SCN11A: variants seen among roughly 807,000 people sequenced by gnomAD.
The protein encoded by SCN11A is sodium voltage-gated channel alpha subunit 11.
Under a neutral mutation model 162.2 loss-of-function variants are expected in SCN11A, and 122 were observed. The ratio of observed to expected loss-of-function variants is 0.75; its 90% CI spans 0.65 to 0.87. The LOEUF (loss-of-function observed/expected upper bound fraction) is 0.87, where lower values mean the gene tolerates loss of function less well. Ranked by LOEUF, SCN11A falls within the 40% of genes least tolerant of loss-of-function variation. The pLI, the probability that SCN11A is intolerant of heterozygous loss-of-function variation, is 0.00. For missense variants in SCN11A, 2,015 were observed against 2,181.6 expected, an observed-to-expected ratio of 0.92 and a Z score of 1.52; for synonymous variants, 758 against 751.5, an observed-to-expected ratio of 1.01 and a Z score of -0.14.
At chr3:38,958,898 C>T (rs551570866) in intron 3 of SCN11A, among the ~76,000 whole-genome samples, 22 of 152,284 alleles carry the variant, frequency 1.4e-4, no homozygotes, top group Non-Finnish European at 2.9e-4. Flanking sequence ...AAGAAATGTT[C>T]ATCTAGAATG....
At chr3:38,908,441 G>A (rs970198355) in intron 13 of SCN11A, among the ~76,000 whole-genome samples, 3 of 152,134 alleles carry the variant, frequency 2.0e-5, no homozygotes, top group African/African-American at 4.8e-5. Context: ...AAGCACTTAC[G>A]ATGGGCATCC....
At chr3:39,006,602 A>G (rs887857588) in intron 2 of SCN11A, among the ~76,000 whole-genome samples, 3 of 152,078 alleles carry the variant, frequency 2.0e-5, no homozygotes, top group Admixed American at 6.6e-5. Context: ...AGAAGAAAAC[A>G]TATTATCGAA....
At chr3:38,869,023 C>T (rs62244137) in intron 26 of SCN11A, among the ~76,000 whole-genome samples, 3 of 152,076 alleles carry the variant, frequency 2.0e-5, no homozygotes, top group African/African-American at 7.2e-5. Context: ...GAGGAGATGA[C>T]GGGGAAAACG....
intron 2 of SCN11A, among the ~76,000 whole-genome samples, chr3:38,983,497 G>C (rs753434501): frequency 1.3e-5 from 2 of 152,126 alleles, no homozygotes; most frequent in Non-Finnish European, 2.9e-5. Context: ...GAAAGTAATA[G>C]AGAAATGAAC....
chr3:39,005,235 G>A (rs1192310167), intron 2 of SCN11A, among the ~76,000 whole-genome samples: 6 of 152,190 alleles, frequency 3.9e-5, no homozygotes, highest in Non-Finnish European at 5.9e-5. Context: ...CAGGCCTGGC[G>A]CCGGGCTGCC....
chr3:38,929,385 G>T (rs2066203524), intron 7 of SCN11A, among the ~76,000 whole-genome samples: 1 of 152,124 alleles, frequency 6.6e-6, no homozygotes, highest in Non-Finnish European at 1.5e-5. Context: ...TATGAGGCAG[G>T]GGCTGAGGGG....
At chr3:38,879,806 C>G (rs1291300956) in intron 23 of SCN11A, 144 bp downstream of exon 23, 1 of 637,136 alleles carries the variant, frequency 1.6e-6, no homozygotes, top group Non-Finnish European at 2.7e-6. Flanking sequence ...CAACTACTTA[C>G]AAGTACTGTG....
At chr3:39,050,881 A>C (rs1431092934) in intron 1 of SCN11A, among the ~76,000 whole-genome samples, 2 of 152,192 alleles carry the variant, frequency 1.3e-5, no homozygotes, top group Non-Finnish European at 1.5e-5. Context: ...TCAAGTGCTC[A>C]AGAGCCACAA....
chr3:38,882,729 C>T (rs1055982234), intron 22 of SCN11A, among the ~76,000 whole-genome samples: 2 of 152,092 alleles, frequency 1.3e-5, no homozygotes, highest in Non-Finnish European at 2.9e-5. Context: ...TTTGACCATG[C>T]ATATAAAGCA....
intron 11 of SCN11A, among the ~76,000 whole-genome samples, chr3:38,912,226 A>C (rs1303993460): frequency 6.6e-6 from 1 of 152,070 alleles, no homozygotes; most frequent in African/African-American, 2.4e-5. Flanking sequence ...TCAAAATATA[A>C]GCCTGTTTTG....
intron 21 of SCN11A, among the ~76,000 whole-genome samples, chr3:38,883,701 G>C (rs1358975679): frequency 6.6e-6 from 1 of 152,178 alleles, no homozygotes; most frequent in Non-Finnish European, 1.5e-5. Context: ...CATTGGGTCT[G>C]GAAGGAGGAT....
intron 9 of SCN11A, among the ~76,000 whole-genome samples, chr3:38,921,869 A>C (rs920016385): frequency 2.0e-5 from 3 of 152,224 alleles, no homozygotes; most frequent in African/African-American, 7.2e-5. Context: ...AAGCTGCCAA[A>C]GTTACAAAAT....
In SCN11A at chr3:38,846,761, A is replaced by G. The variant is rs148328451; in HGVS notation, c.5309T>C (p.Leu1770Pro). Reference sequence around the variant, plus strand: ...CAAGTCTCCATTGCAAAGAGTCTGGAGTGGTGAATGAGGCCCGTTTTCCAA... The same window carrying G: ...CAAGTCTCCATTGCAAAGAGTCTGGGGTGGTGAATGAGGCCCGTTTTCCAA... ...NDLENGPHSP[L>P]QTLCNGDLSS... is the part of the protein sequence containing the mutation. Residue 1770 changes from leucine (L) to proline (P), a missense_variant, in exon 30 of 30, where the codon CTC becomes CCC. Coordinates refer to ENST00000302328, the MANE Select transcript of SCN11A (RefSeq NM_001349253.2). 117 of 1,614,058 alleles carry G rather than the reference A, an allele frequency of 7.2e-5. No homozygotes were observed. The East Asian group carries it at 2.6e-3, about 36-fold the overall frequency.
At position 38,894,897 on chromosome 3, in the gene SCN11A, T is replaced by C; in HGVS notation, c.2471A>G (p.Glu824Gly). Residue 824 changes from glutamate to glycine, a missense_variant, in exon 19 of 30, where the codon GAA (glutamate) becomes GGA (glycine). Physicochemically the swap from Glu to Gly is moderately conservative, Grantham distance 98 (BLOSUM62 -2). Coordinates refer to ENST00000302328, the MANE Select transcript of SCN11A (RefSeq NM_001349253.2). ...GACTTTAGTTTTCCTGGCCTCTCCT[T>C]CTAAGTTTCCATTTCTTTCCTCATT... ...FSNEERNGNL[E>G]GEARKTKVQL... 1.2e-6 allele frequency: 2 copies of C among 1,614,144 alleles called. No homozygotes were observed. The highest frequency in any genetic ancestry group is 1.7e-6 in the Non-Finnish European group (2 of 1,180,000).
chr3:38,859,083 C>G (rs757102716), intron 28 of SCN11A, among the ~76,000 whole-genome samples: 2 of 151,808 alleles, frequency 1.3e-5, no homozygotes, highest in Non-Finnish European at 2.9e-5. Context: ...AAAGAGCACT[C>G]ACAGACAATC....
At chr3:39,010,829 A>G (rs565364727) in intron 2 of SCN11A, among the ~76,000 whole-genome samples, 21 of 152,234 alleles carry the variant, frequency 1.4e-4, no homozygotes, top group Non-Finnish European at 2.6e-4. Flanking sequence ...ATTGTAATAC[A>G]TGTTTCCGAA....
intron 21 of SCN11A, 112 bp from the exon 22 acceptor site, chr3:38,883,499 C>T: frequency 2.1e-6 from 2 of 955,950 alleles, no homozygotes; most frequent in African/African-American, 1.6e-5. Flanking sequence ...CCTGCAGTTG[C>T]TCCCATTAAA....
intron 11 of SCN11A, among the ~76,000 whole-genome samples, chr3:38,915,994 G>A (rs2065955460): frequency 6.6e-6 from 1 of 152,088 alleles, no homozygotes; most frequent in South Asian, 2.1e-4. Flanking sequence ...CCTGTCTTGG[G>A]CGCATATACC....
intron 16 of SCN11A, among the ~76,000 whole-genome samples, chr3:38,902,721 G>A (rs906441990): frequency 5.9e-5 from 9 of 152,108 alleles, no homozygotes; most frequent in Non-Finnish European, 1.2e-4. Context: ...GTTTCACCGT[G>A]TTAGCCAGGA....
Sources: gnomAD v4.1 joint callset for allele counts (sites outside exome capture counted in the v4.1 genomes callset) on GRCh38, gnomAD v4.1.1 for gene constraint, MANE v1.5 for transcripts, NCBI Gene and HGNC (gene_info 2026-07-23, HGNC 2026-07-21) for gene names.